Variants in SNAPC1 observed in about 807,000 individuals in gnomAD.
SNAPC1 encodes the protein small nuclear RNA activating complex polypeptide 1.
A neutral mutation model predicts 50.1 loss-of-function variants in SNAPC1; 42 were observed. That is an observed-to-expected ratio of 0.84 (90% CI 0.65 to 1.08). SNAPC1 has a LOEUF of 1.08. Ranked by LOEUF, SNAPC1 falls within the 50% of genes least tolerant of loss-of-function variation. The pLI, the probability that SNAPC1 is intolerant of heterozygous loss-of-function variation, is 0.00. For synonymous variants in SNAPC1, 164 were observed against 144.2 expected (o/e 1.14, Z -0.98); for missense variants, 477 against 427.3 (o/e 1.12, Z -1.02).
chr14:61,778,528 T>C (rs1239841164), intron 6 of SNAPC1, among the ~76,000 whole-genome samples: 1 of 152,210 alleles, frequency 6.6e-6, no homozygotes, highest in Non-Finnish European at 1.5e-5. Flanking sequence ...GGAGCCATCT[T>C]TGAGTATAGG....
Position 61,783,244 on chromosome 14 carries a change from C to T in SNAPC1, c.976+847C>T, listed in dbSNP as rs138633808. Reference sequence around the variant, plus strand: ...TGGGGTTTCACCATGTTGGCCAGGCCGGTCTTGGACTCCTGACCTCAGGTG... The same window carrying T: ...TGGGGTTTCACCATGTTGGCCAGGCTGGTCTTGGACTCCTGACCTCAGGTG... On this transcript the variant is annotated intron_variant, in intron 8 of 9. Transcript: ENST00000216294. Among the ~76,000 whole-genome samples the T allele has an allele frequency of 4.4e-3, 666 of 151,124 alleles. 3 individuals carry two copies. Among genetic ancestry groups the T allele is most frequent in the African/African-American group, 0.015 (620 of 41,242 alleles).
chr14:61,765,455 A>T (rs1461867996), intron 1 of SNAPC1, among the ~76,000 whole-genome samples: 1 of 152,192 alleles, frequency 6.6e-6, no homozygotes, highest in Non-Finnish European at 1.5e-5. Context: ...CAATATATGC[A>T]AGAAGTACGT....
intron 1 of SNAPC1, 48 bp downstream of exon 1, chr14:61,762,636 G>A (rs1379844370): frequency 6.2e-7 from 1 of 1,608,018 alleles, no homozygotes; most frequent in Non-Finnish European, 8.5e-7. Context: ...CGCAGGTGGT[G>A]TAGAAAGTTG....
At chr14:61,775,113 C>T (rs1347235354) in intron 4 of SNAPC1, among the ~76,000 whole-genome samples, 3 of 152,116 alleles carry the variant, frequency 2.0e-5, no homozygotes, top group Non-Finnish European at 2.9e-5. Context: ...AGTCCCTATG[C>T]CAGGTTTTCT....
intron 1 of SNAPC1, among the ~76,000 whole-genome samples, chr14:61,764,095 G>A (rs2044929749): frequency 6.6e-6 from 1 of 152,036 alleles, no homozygotes. Context: ...CACCAAGCCT[G>A]GCTAATTTTT....
intron 8 of SNAPC1, among the ~76,000 whole-genome samples, chr14:61,787,857 C>A (rs1030610518): frequency 3.3e-5 from 5 of 152,150 alleles, no homozygotes; most frequent in African/African-American, 1.2e-4. Flanking sequence ...GGTTTAGAAA[C>A]CCTCACAAGC....
At chr14:61,785,599 GATACAGTT>G (rs938270059) in intron 8 of SNAPC1, among the ~76,000 whole-genome samples, 1 of 152,184 alleles carries the variant, frequency 6.6e-6, no homozygotes, top group Non-Finnish European at 1.5e-5. Context: ...GTGTGGTCGG[GATACAGTT>G]TGCTTTTATA....
intron 4 of SNAPC1, among the ~76,000 whole-genome samples, chr14:61,771,193 A>T (rs1293539196): frequency 6.6e-6 from 1 of 152,238 alleles, no homozygotes; most frequent in African/African-American, 2.4e-5. Flanking sequence ...GAACTCTGGG[A>T]AAATATTTTG....
At chr14:61,783,076 G>T (rs997266238) in intron 8 of SNAPC1, among the ~76,000 whole-genome samples, 1 of 142,364 alleles carries the variant, frequency 7.0e-6, no homozygotes, top group African/African-American at 2.6e-5. Flanking sequence ...AGGCCGGAGT[G>T]CAATGGCACG....
chr14:61,786,499 A>G (rs1489157406), intron 8 of SNAPC1, among the ~76,000 whole-genome samples: 1 of 152,248 alleles, frequency 6.6e-6, no homozygotes, highest in Admixed American at 6.5e-5. Flanking sequence ...ACATTTCACC[A>G]AAGAAAAGAT....
In SNAPC1 at chr14:61,762,981, C is replaced by CTTTTTTTTTTTTTTTTT. The variant is rs145378546; in HGVS notation, c.128+404_128+420dup. ...TTTTTCCTCCAACAACCAAAGTTGTCTTTTTTTTTTTTTTTTTTTTTTTTT... is the reference window on the plus strand; with the variant it reads ...TTTTTCCTCCAACAACCAAAGTTGTCTTTTTTTTTTTTTTTTTTTTTTTTTTTTTTTTTTTTTTTTTT... On this transcript the variant is annotated intron_variant, in intron 1 of 9. Coordinates refer to ENST00000216294, the MANE Select transcript of SNAPC1 (RefSeq NM_003082.4). Among the ~76,000 whole-genome samples the CTTTTTTTTTTTTTTTTT allele has an allele frequency of 4.5e-4, 33 of 73,036 alleles. 7 individuals are homozygous for CTTTTTTTTTTTTTTTTT. Among genetic ancestry groups the CTTTTTTTTTTTTTTTTT allele is most frequent in the African/African-American group, 6.9e-4 (13 of 18,824 alleles). The allele number at this position is 73,036 out of a possible 152,430, so 47.9% of individuals were successfully genotyped here.
intron 7 of SNAPC1, among the ~76,000 whole-genome samples, chr14:61,780,438 C>A (rs1369854729): frequency 6.6e-6 from 1 of 152,140 alleles, no homozygotes; most frequent in African/African-American, 2.4e-5. Context: ...ATTTTCAATG[C>A]ACCTGCCTGT....
At chr14:61,774,524 AAAT>A (rs2045019161) in intron 4 of SNAPC1, among the ~76,000 whole-genome samples, 1 of 152,164 alleles carries the variant, frequency 6.6e-6, no homozygotes, top group South Asian at 2.1e-4. Flanking sequence ...CATGAAGTAA[AAAT>A]AATGAGAGTA....
intron 8 of SNAPC1, among the ~76,000 whole-genome samples, chr14:61,789,059 C>A (rs1051614063): frequency 5.3e-5 from 8 of 152,008 alleles, no homozygotes; most frequent in Non-Finnish European, 1.2e-4. Flanking sequence ...GGTGAAACCC[C>A]ACCTCTACTG....
Position 61,766,015 on chromosome 14 carries a change from G to A in SNAPC1, c.129-861G>A, listed in dbSNP as rs192211577. 8.4e-3 allele frequency among the ~76,000 whole-genome samples: 1,282 copies of A among 152,264 alleles called. 5 individuals are homozygous for A. Among genetic ancestry groups the A allele is most frequent in the Middle Eastern group, 0.014 (4 of 294 alleles). The stretch of plus-strand genomic sequence containing the variant: ...TTCGTTAGGTAAAAAGTAAAGTAGA[G>A]GTTCTGCTTCAAAGAGTTTCCTCCC... On this transcript the variant is annotated intron_variant, in intron 1 of 9. Transcript: ENST00000216294.
At chr14:61,784,365 A>G (rs565638618) in intron 8 of SNAPC1, among the ~76,000 whole-genome samples, 26 of 152,198 alleles carry the variant, frequency 1.7e-4, no homozygotes, top group Non-Finnish European at 3.2e-4. Flanking sequence ...ATCTATTAAT[A>G]TGATTTACCA....
rs144617941 is a variant in SNAPC1 at position 61,776,172 on chromosome 14, C to T, written c.612C>T (p.Ala204=). 6 of 1,611,442 alleles carry T rather than the reference C, an allele frequency of 3.7e-6. No individual in the cohort carries two copies. The African/African-American group carries it at 5.3e-5, about 14-fold the overall frequency. Residue 204 remains alanine (A), a synonymous_variant, in exon 5 of 10, where the codon GCC becomes GCT. Transcript: ENST00000216294. ...TTGATAAGTCCAAGCCAGATAAAGC[C>T]CTCAGCTTGATAAAGGATGATTTTT... ...ISVDKSKPDK[A]LSLIKDDFFD... is the part of the protein sequence containing the mutation.
Position 61,773,951 on chromosome 14 carries a change from C to T in SNAPC1, c.535-2144C>T, listed in dbSNP as rs568806571. Among the ~76,000 whole-genome samples, 150 of 152,074 alleles carry T rather than the reference C, an allele frequency of 9.9e-4. 1 individual carries two copies. The highest frequency in any genetic ancestry group is 3.4e-3 in the African/African-American group (141 of 41,484). ...CTCGAACTCCTGACCTCAGGTGATC[C>T]GCCTACCTCGGCCTTCCAAAGTGCT... On this transcript the variant is annotated intron_variant, in intron 4 of 9. Transcript: ENST00000216294.
chr14:61,763,562 GT>G (rs1475128150), intron 1 of SNAPC1, among the ~76,000 whole-genome samples: 1 of 132,170 alleles, frequency 7.6e-6, no homozygotes, highest in African/African-American at 2.8e-5. Flanking sequence ...CAACTCTCTT[GT>G]TTTGTCCACC....
Sources: gnomAD v4.1 joint callset for allele counts (sites outside exome capture counted in the v4.1 genomes callset) on GRCh38, gnomAD v4.1.1 for gene constraint, MANE v1.5 for transcripts, NCBI Gene and HGNC (gene_info 2026-07-23, HGNC 2026-07-21) for gene names.